The following MAGI1 variants were observed in gnomAD, a reference collection of about 807,000 sequenced individuals.
The protein encoded by MAGI1 is membrane-associated guanylate kinase, WW and PDZ domain-containing protein 1.
A neutral mutation model predicts 139.9 loss-of-function variants in MAGI1; 58 were observed. The ratio of observed to expected loss-of-function variants is 0.41; its 90% CI spans 0.34 to 0.52. The LOEUF (loss-of-function observed/expected upper bound fraction) is 0.52, where lower values mean the gene tolerates loss of function less well. Among genes scored for constraint, MAGI1 ranks in the 20% least tolerant of loss-of-function variants. The pLI is 0.12. For missense variants in MAGI1, 1,874 were observed against 1,901.6 expected (o/e 0.99, Z 0.27); for synonymous variants, 812 against 737.9 (o/e 1.10, Z -1.63).
At chr3:65,507,807 T>C (rs191765143) in intron 2 of MAGI1, among the ~76,000 whole-genome samples, 7 of 152,380 alleles carry the variant, frequency 4.6e-5, no homozygotes, top group Non-Finnish European at 7.3e-5. Flanking sequence ...TTTTATGTTA[T>C]GGACTATATA....
intron 1 of MAGI1, among the ~76,000 whole-genome samples, chr3:66,024,285 A>T (rs77187701): frequency 0.011 from 1,656 of 148,346 alleles, 19 homozygotes; most frequent in Middle Eastern, 0.021. Context: ...GAAAACTTTG[A>T]ACCAGTGCTT....
chr3:65,776,266 G>A (rs1444959755), intron 1 of MAGI1, among the ~76,000 whole-genome samples: 5 of 122,552 alleles, frequency 4.1e-5, no homozygotes, highest in African/African-American at 1.5e-4. Context: ...TTTTTTTATG[G>A]CTTCTGAATG....
rs992788082 is a variant in MAGI1 at position 65,761,358 on chromosome 3, GAGTC to G, written c.314-139274_314-139271del. Among the ~76,000 whole-genome samples the G allele has an allele frequency of 3.7e-4, 57 of 152,140 alleles. 1 individual carries two copies. Among genetic ancestry groups the G allele is most frequent in the African/African-American group, 1.4e-3 (57 of 41,498 alleles). On this transcript the variant is annotated intron_variant, in intron 1 of 22. Transcript: ENST00000402939. Reference sequence around the variant, plus strand: ...CCTGCCCAACTAAAGAGGACAAATGGAGTCAAATGAAGAATACTGTTAGACATTT... The same window carrying G: ...CCTGCCCAACTAAAGAGGACAAATGGAAATGAAGAATACTGTTAGACATTT...
intron 1 of MAGI1, among the ~76,000 whole-genome samples, chr3:65,626,582 C>T (rs2083983380): frequency 6.6e-6 from 1 of 152,186 alleles, no homozygotes; most frequent in Admixed American, 6.5e-5. Context: ...TCTCAGCCTA[C>T]CAAAGTGCTG....
At chr3:65,436,902 T>C (rs892521640) in intron 10 of MAGI1, among the ~76,000 whole-genome samples, 6 of 152,174 alleles carry the variant, frequency 3.9e-5, no homozygotes, top group Admixed American at 3.9e-4. Context: ...TGAGAAACGT[T>C]GGTTTGAATG....
At chr3:65,530,774 C>CACGTATATATATATATATAT in intron 2 of MAGI1, among the ~76,000 whole-genome samples, 1 of 12,546 alleles carries the variant, frequency 8.0e-5, no homozygotes, top group Admixed American at 6.0e-4. Context: ...TATATATATA[C>CACGTATATATATATATATAT]ACACATATAT....
chr3:65,480,534 C>CA (rs67341994), intron 3 of MAGI1, among the ~76,000 whole-genome samples: 31,322 of 131,036 alleles, frequency 0.24, 3,634 homozygotes, highest in Middle Eastern at 0.3. Flanking sequence ...GATCCTATCT[C>CA]AAAAAAAAAA....
chr3:65,554,991 A>G (rs2080017566), intron 2 of MAGI1, among the ~76,000 whole-genome samples: 1 of 152,244 alleles, frequency 6.6e-6, no homozygotes, highest in Non-Finnish European at 1.5e-5. Flanking sequence ...TTAATAGTAC[A>G]TGGATTAGTT....
intron 1 of MAGI1, among the ~76,000 whole-genome samples, chr3:66,009,557 C>G (rs1264315075): frequency 6.6e-6 from 1 of 151,970 alleles, no homozygotes; most frequent in Non-Finnish European, 1.5e-5. Context: ...CTGGTTCTAC[C>G]CCTGACTACC....
intron 8 of MAGI1, among the ~76,000 whole-genome samples, chr3:65,441,800 C>T (rs751904758): frequency 4.2e-4 from 64 of 152,088 alleles, no homozygotes; most frequent in Non-Finnish European, 7.5e-4. Context: ...TTAGTACTGG[C>T]CAAGGACACT....
intron 1 of MAGI1, among the ~76,000 whole-genome samples, chr3:65,918,036 C>T (rs2061989935): frequency 6.6e-6 from 1 of 152,166 alleles, no homozygotes; most frequent in African/African-American, 2.4e-5. Context: ...GCAGAGGGTA[C>T]ATAGGAAATC....
chr3:65,530,431 T>C (rs1320591585), intron 2 of MAGI1, among the ~76,000 whole-genome samples: 10 of 151,736 alleles, frequency 6.6e-5, no homozygotes, highest in African/African-American at 2.4e-4. Context: ...CTGGGCAATG[T>C]AATGAGACCC....
intron 1 of MAGI1, among the ~76,000 whole-genome samples, chr3:65,912,476 G>A (rs2061712640): frequency 6.6e-6 from 1 of 152,068 alleles, no homozygotes; most frequent in Non-Finnish European, 1.5e-5. Flanking sequence ...GTTTTATTTG[G>A]GCTCCCTGTT....
At chr3:65,395,757 G>C (rs1230805517) in intron 13 of MAGI1, among the ~76,000 whole-genome samples, 1 of 151,666 alleles carries the variant, frequency 6.6e-6, no homozygotes, top group Admixed American at 6.6e-5. Flanking sequence ...TAACGCATGA[G>C]CCCTGTGGGC....
Position 65,768,864 on chromosome 3 carries a change from G to A in MAGI1, c.314-146776C>T, listed in dbSNP as rs115250089. Among the ~76,000 whole-genome samples, 1,370 of 152,270 alleles carry A rather than the reference G, an allele frequency of 9.0e-3. 15 individuals carry two copies. The highest frequency in any genetic ancestry group is 0.031 in the African/African-American group (1,306 of 41,558). ...AAATGTGTTTAAGAAGATAAAAACT[G>A]CTCCGTACAGAGAATAATATTTTCC... On this transcript the variant is annotated intron_variant, in intron 1 of 22. Coordinates refer to ENST00000402939, the MANE Select transcript of MAGI1 (RefSeq NM_001033057.2).
Position 65,579,911 on chromosome 3 carries a change from G to C in MAGI1, c.430+42061C>G, listed in dbSNP as rs533074128. Among the ~76,000 whole-genome samples the C allele has an allele frequency of 5.3e-5, 8 of 150,312 alleles. No homozygotes were observed. In the South Asian group the frequency reaches 1.7e-3, roughly 32 times the overall value. On this transcript the variant is annotated intron_variant, in intron 2 of 22. Coordinates refer to ENST00000402939, the MANE Select transcript of MAGI1 (RefSeq NM_001033057.2). ...TAAAAAAGCCAATGAAACTAGACAA[G>C]CTCACTGGCACTCTTTTTTCATTAA...
At chr3:65,588,107 A>G (rs2081781680) in intron 2 of MAGI1, among the ~76,000 whole-genome samples, 1 of 152,168 alleles carries the variant, frequency 6.6e-6, no homozygotes, top group South Asian at 2.1e-4. Flanking sequence ...CTAAAAACCC[A>G]TATTACAAGC....
intron 1 of MAGI1, chr3:65,688,028 C>A: frequency 3.6e-6 from 3 of 839,968 alleles, no homozygotes; most frequent in Non-Finnish European, 6.1e-6. Flanking sequence ...CCCCTCACAC[C>A]CTGGATCCTA....
At chr3:65,567,481 A>G (rs549157546) in intron 2 of MAGI1, among the ~76,000 whole-genome samples, 4 of 152,328 alleles carry the variant, frequency 2.6e-5, no homozygotes, top group Admixed American at 1.3e-4. Flanking sequence ...TACGGAAAGC[A>G]TTGATGGAAA....
Sources: gnomAD v4.1 joint callset for allele counts (sites outside exome capture counted in the v4.1 genomes callset) on GRCh38, gnomAD v4.1.1 for gene constraint, MANE v1.5 for transcripts, NCBI Gene and HGNC (gene_info 2026-07-23, HGNC 2026-07-21) for gene names.